SLC22A23: variants seen among roughly 807,000 people sequenced by gnomAD.
SLC22A23 encodes the protein solute carrier family 22 member 23, also known as ion transporter protein.
In SLC22A23, 26 loss-of-function variants were observed where a neutral mutation model predicts 61.0. The ratio of observed to expected loss-of-function variants is 0.43; its 90% CI spans 0.31 to 0.59. The LOEUF (loss-of-function observed/expected upper bound fraction) is 0.59, where lower values mean the gene tolerates loss of function less well. Ranked by LOEUF, SLC22A23 falls within the 20% of genes least tolerant of loss-of-function variation. The pLI, the probability that SLC22A23 is intolerant of heterozygous loss-of-function variation, is 0.11. For missense variants in SLC22A23, 796 were observed against 934.7 expected, an observed-to-expected ratio of 0.85 and a Z score of 1.94; for synonymous variants, 430 against 413.9, an observed-to-expected ratio of 1.04 and a Z score of -0.47.
chr6:3,384,727 T>C (rs576263145), intron 3 of SLC22A23, among the ~76,000 whole-genome samples: 2 of 152,342 alleles, frequency 1.3e-5, no homozygotes, highest in East Asian at 3.9e-4. Flanking sequence ...CCAAATCATA[T>C]GATCCAGCAT....
intron 3 of SLC22A23, among the ~76,000 whole-genome samples, chr6:3,384,449 A>G (rs1767154534): frequency 6.6e-6 from 1 of 152,190 alleles, no homozygotes; most frequent in Non-Finnish European, 1.5e-5. Flanking sequence ...CACTTAAAAA[A>G]CACATTTTCC....
At chr6:3,412,452 C>A (rs916887880) in intron 2 of SLC22A23, among the ~76,000 whole-genome samples, 3 of 152,144 alleles carry the variant, frequency 2.0e-5, no homozygotes, top group Admixed American at 6.5e-5. Context: ...TGGATATGAA[C>A]AAATGCTTCA....
chr6:3,375,649 T>C (rs939112919), intron 3 of SLC22A23, among the ~76,000 whole-genome samples: 1 of 152,240 alleles, frequency 6.6e-6, no homozygotes, highest in Admixed American at 6.5e-5. Context: ...TTAAAGCCTC[T>C]AATGTGTATA....
At position 3,328,764 on chromosome 6, in the gene SLC22A23, G is replaced by A. The variant is rs1433247396; in HGVS notation, c.914-4762C>T. 1.3e-5 allele frequency among the ~76,000 whole-genome samples: 2 copies of A among 152,034 alleles called. No individual in the cohort carries two copies. Among genetic ancestry groups the A allele is most frequent in the East Asian group, 1.9e-4 (1 of 5,180 alleles). ...TCACAGTCGTGTGGGCCAATTCCTC[G>A]CAGAAAATCTCTAAATATCTCCTGT... On this transcript the variant is annotated intron_variant, in intron 3 of 9. Coordinates refer to ENST00000406686, the MANE Select transcript of SLC22A23 (RefSeq NM_015482.2). This position sits in a 1 kb window ranked among gnomAD's most constrained non-coding sequence, Gnocchi z 5.0.
chr6:3,297,493 G>T lies in SLC22A23; in HGVS notation c.1210+598C>A, dbSNP rs947936152. 1.3e-5 allele frequency among the ~76,000 whole-genome samples: 2 copies of T among 152,210 alleles called. No homozygotes were observed. The highest frequency in any genetic ancestry group is 2.9e-5 in the Non-Finnish European group (2 of 68,040). ...ATCTAACAGGTCAGGATCTCCAGGT[G>T]CCAGGGAGAGGCCCAGGAATCTGGA... On this transcript the variant is annotated intron_variant, in intron 5 of 9. Coordinates refer to ENST00000406686, the MANE Select transcript of SLC22A23 (RefSeq NM_015482.2). This position sits in a 1 kb window ranked among gnomAD's most constrained non-coding sequence, Gnocchi z 4.3.
intron 3 of SLC22A23, among the ~76,000 whole-genome samples, chr6:3,401,582 T>C (rs1010970742): frequency 3.9e-5 from 6 of 152,222 alleles, no homozygotes; most frequent in Non-Finnish European, 5.9e-5. Context: ...TCTGACCTAC[T>C]GGGCAATCTT....
At chr6:3,362,449 G>GAAAAAAAAAAAAAAAA (rs1765540225) in intron 3 of SLC22A23, among the ~76,000 whole-genome samples, 1 of 122,404 alleles carries the variant, frequency 8.2e-6, no homozygotes, top group Non-Finnish European at 1.7e-5. Flanking sequence ...AAATTAGCAT[G>GAAAAAAAAAAAAAAAA]CATTTTCATC....
At chr6:3,306,687 G>A (rs958822290) in intron 4 of SLC22A23, among the ~76,000 whole-genome samples, 2 of 152,186 alleles carry the variant, frequency 1.3e-5, no homozygotes, top group Non-Finnish European at 2.9e-5. Context: ...GGCTTCTGTG[G>A]GAAGGACGTG....
intron 3 of SLC22A23, among the ~76,000 whole-genome samples, chr6:3,355,085 G>A (rs1004995275): frequency 2.0e-5 from 3 of 151,122 alleles, no homozygotes; most frequent in South Asian, 2.1e-4. Context: ...AAAAACCAGC[G>A]CCTCTCCACA....
chr6:3,419,600 T>C (rs1277879760), intron 1 of SLC22A23, among the ~76,000 whole-genome samples: 2 of 152,298 alleles, frequency 1.3e-5, no homozygotes, highest in East Asian at 3.9e-4. Context: ...GAGCCAACAG[T>C]TCTGGAGGTG....
intron 1 of SLC22A23, among the ~76,000 whole-genome samples, chr6:3,416,975 C>T (rs9392491): frequency 0.22 from 33,249 of 151,996 alleles, 3,746 homozygotes; most frequent in East Asian, 0.37. Context: ...TGTCTCCCCC[C>T]GCCCCTTGTC....
Position 3,286,045 on chromosome 6 carries a change from G to A in SLC22A23, c.1546+814C>T, listed in dbSNP as rs1759968275. On this transcript the variant is annotated intron_variant, in intron 7 of 9. Transcript: ENST00000406686. This position sits in a 1 kb window ranked among gnomAD's most constrained non-coding sequence, Gnocchi z 4.2. ...CACGGGAATGGGTATTTGTTGGTGAGGAGCTATACAGAGCTTGCTGGAAGG... is the reference window on the plus strand; with the variant it reads ...CACGGGAATGGGTATTTGTTGGTGAAGAGCTATACAGAGCTTGCTGGAAGG... 6.6e-6 allele frequency among the ~76,000 whole-genome samples: 1 copy of A among 152,086 alleles called. No individual in the cohort carries two copies. The highest frequency in any genetic ancestry group is 2.4e-5 in the African/African-American group (1 of 41,422).
At chr6:3,346,535 C>T (rs1764451675) in intron 3 of SLC22A23, among the ~76,000 whole-genome samples, 1 of 152,222 alleles carries the variant, frequency 6.6e-6, no homozygotes, top group Non-Finnish European at 1.5e-5. Context: ...CCCTCCGTAT[C>T]TGCTGCCACA....
At chr6:3,412,169 C>T (rs1430392996) in intron 2 of SLC22A23, among the ~76,000 whole-genome samples, 1 of 152,214 alleles carries the variant, frequency 6.6e-6, no homozygotes, top group African/African-American at 2.4e-5. Flanking sequence ...GCCTACCAAA[C>T]ATGGTTTGCT....
chr6:3,346,883 C>T (rs1764469290), intron 3 of SLC22A23, among the ~76,000 whole-genome samples: 1 of 152,066 alleles, frequency 6.6e-6, no homozygotes, highest in African/African-American at 2.4e-5. Flanking sequence ...GAGCATATAC[C>T]CCCTAGTAGC....
At chr6:3,448,563 C>T (rs557904618) in intron 1 of SLC22A23, among the ~76,000 whole-genome samples, 7 of 152,024 alleles carry the variant, frequency 4.6e-5, no homozygotes, top group South Asian at 2.1e-4. Context: ...TTGTGATCTC[C>T]GCTCACTGCA....
intron 1 of SLC22A23, among the ~76,000 whole-genome samples, chr6:3,455,449 C>T (rs1284470626): frequency 6.6e-6 from 1 of 152,234 alleles, no homozygotes; most frequent in East Asian, 1.9e-4. Flanking sequence ...GTCTTTGCTT[C>T]TCTGGCTCTC....
At chr6:3,449,619 A>G (rs1270469235) in intron 1 of SLC22A23, among the ~76,000 whole-genome samples, 1 of 152,214 alleles carries the variant, frequency 6.6e-6, no homozygotes, top group African/African-American at 2.4e-5. Flanking sequence ...CCACCACCAA[A>G]TACAATTTTT....
At chr6:3,305,742 T>C (rs1414603746) in intron 4 of SLC22A23, among the ~76,000 whole-genome samples, 4 of 152,202 alleles carry the variant, frequency 2.6e-5, no homozygotes, top group Admixed American at 2.6e-4. Context: ...GAGCTTCATC[T>C]GTCTGGTGCA....
Sources: allele counts gnomAD v4.1 joint callset (sites outside exome capture counted in the v4.1 genomes callset), GRCh38; gene constraint gnomAD v4.1.1; non-coding constraint Gnocchi (gnomAD v3.1); transcripts MANE v1.5; gene names NCBI Gene and HGNC (gene_info 2026-07-23, HGNC 2026-07-21).